Variants in SPEF2 observed in about 807,000 individuals in gnomAD.
The protein encoded by SPEF2 is sperm flagellar and cilia associated 2.
A neutral mutation model predicts 224.6 loss-of-function variants in SPEF2; 187 were observed. The observed-to-expected ratio is 0.83, with a 90% CI of 0.74 to 0.94. SPEF2 has a LOEUF of 0.94. SPEF2 is among the 40% of genes least tolerant of loss of function. The pLI, the probability that SPEF2 is intolerant of heterozygous loss-of-function variation, is 0.00. For missense variants in SPEF2, 2,170 were observed against 2,135.6 expected, an observed-to-expected ratio of 1.02 and a Z score of -0.32; for synonymous variants, 715 against 707.3, an observed-to-expected ratio of 1.01 and a Z score of -0.17.
chr5:35,627,483 C>A (rs1401915284), intron 1 of SPEF2, among the ~76,000 whole-genome samples: 3 of 151,998 alleles, frequency 2.0e-5, no homozygotes, highest in Non-Finnish European at 4.4e-5. Context: ...CACCTGTAAT[C>A]CCAGCTACTC....
chr5:35,628,362 A>G (rs1372361922), intron 1 of SPEF2, 98 bp from the exon 2 acceptor site: 3 of 644,986 alleles, frequency 4.7e-6, no homozygotes, highest in Non-Finnish European at 7.8e-6. Flanking sequence ...AGTTCCAGTT[A>G]AATTGTGTAG....
chr5:35,812,008 TCGATCC>T (rs1758572066), intron 36 of SPEF2, among the ~76,000 whole-genome samples: 1 of 152,020 alleles, frequency 6.6e-6, no homozygotes, highest in African/African-American at 2.4e-5. Flanking sequence ...CAGGATGGTC[TCGATCC>T]CCTGATCTCG....
chr5:35,666,321 G>A (rs1319108933), intron 8 of SPEF2, among the ~76,000 whole-genome samples: 1 of 152,160 alleles, frequency 6.6e-6, no homozygotes, highest in Non-Finnish European at 1.5e-5. Context: ...CACTTATTAA[G>A]TATTATGTTA....
At chr5:35,790,462 G>A in intron 30 of SPEF2, 1 of 423,834 alleles carries the variant, frequency 2.4e-6, no homozygotes, top group East Asian at 3.5e-5. Flanking sequence ...CCAGAAGCCT[G>A]GAATTTAAAA....
chr5:35,779,225 A>C lies in SPEF2; in HGVS notation c.4326A>C (p.Lys1442Asn). 1.2e-6 allele frequency: 2 copies of C among 1,613,968 alleles called. No individual in the cohort carries two copies. The highest frequency in any genetic ancestry group is 1.7e-6 in the Non-Finnish European group (2 of 1,179,884). Reference sequence around the variant, plus strand: ...ACTTCTTCATTAATGGCAATATAAAAGTCTTCCCAGATCCTCCCCCATCAA... The same window carrying C: ...ACTTCTTCATTAATGGCAATATAAACGTCTTCCCAGATCCTCCCCCATCAA... ...QEDFFINGNI[K>N]VFPDPPPSIR... Residue 1442 changes from lysine (K) to asparagine (N), a missense_variant, in exon 30 of 37, where the codon AAA (lysine) becomes AAC (asparagine). By Grantham distance (94) the Lys-to-Asn change is moderately conservative. Transcript: ENST00000356031.
At chr5:35,650,912 A>C (rs1164969442) in intron 6 of SPEF2, among the ~76,000 whole-genome samples, 1 of 150,448 alleles carries the variant, frequency 6.6e-6, no homozygotes, top group African/African-American at 2.4e-5. Flanking sequence ...GAAGGTAAGC[A>C]GCCCATAGTG....
In SPEF2 at chr5:35,736,710, T is replaced by C. The variant is rs554109133; in HGVS notation, c.3064-3209T>C. Reference sequence around the variant, plus strand: ...ACCATATCATGGATGCCTAATGATTTCCCATCAAGAGTTTTACAAAATTGG... The same window carrying C: ...ACCATATCATGGATGCCTAATGATTCCCCATCAAGAGTTTTACAAAATTGG... On this transcript the variant is annotated intron_variant, in intron 21 of 36. Coordinates refer to ENST00000356031, the MANE Select transcript of SPEF2 (RefSeq NM_024867.4). Among the ~76,000 whole-genome samples the C allele has an allele frequency of 4.8e-4, 73 of 152,308 alleles. 1 individual carries two copies. The South Asian group carries it at 7.9e-3, about 16-fold the overall frequency.
intron 4 of SPEF2, among the ~76,000 whole-genome samples, chr5:35,645,071 T>C (rs928141963): frequency 3.3e-5 from 5 of 152,218 alleles, no homozygotes; most frequent in Non-Finnish European, 7.3e-5. Context: ...CCTTCTCAGA[T>C]TTCTTTAAAA....
At chr5:35,699,555 T>C (rs1244835794) in intron 15 of SPEF2, 3 of 152,054 alleles carry the variant, frequency 2.0e-5, no homozygotes, top group Admixed American at 2.0e-4. Flanking sequence ...GTCAGAGAAA[T>C]TCAGATCAGG....
Position 35,694,354 on chromosome 5 carries a change from A to G in SPEF2, c.1966A>G (p.Thr656Ala), listed in dbSNP as rs761165101. 14 of 1,612,324 alleles carry G rather than the reference A, an allele frequency of 8.7e-6. No homozygotes were observed. The highest frequency in any genetic ancestry group is 1.2e-5 in the Non-Finnish European group (14 of 1,179,008). Reference sequence around the variant, plus strand: ...AGTATTACCAGAAACAGAAGGTGAAACAATGCTTAGTAAGATCTCAAAACA... The same window carrying G: ...AGTATTACCAGAAACAGAAGGTGAAGCAATGCTTAGTAAGATCTCAAAACA... ...DEVLPETEGETMLSANADKTP... is the reference protein window; with the variant it reads ...DEVLPETEGEAMLSANADKTP... The change falls in exon 13 of 37, where the codon ACA becomes GCA. Residue 656 changes from threonine (T) to alanine (A), a missense_variant. Coordinates refer to ENST00000356031, the MANE Select transcript of SPEF2 (RefSeq NM_024867.4).
At chr5:35,622,124 C>T (rs139938652) in intron 1 of SPEF2, among the ~76,000 whole-genome samples, 1 of 152,188 alleles carries the variant, frequency 6.6e-6, no homozygotes, top group East Asian at 1.9e-4. Context: ...TTTTAAGAGA[C>T]AGTCTATGCT....
intron 8 of SPEF2, among the ~76,000 whole-genome samples, chr5:35,665,433 G>T (rs1360683913): frequency 6.6e-6 from 1 of 151,762 alleles, no homozygotes; most frequent in African/African-American, 2.4e-5. Flanking sequence ...GGGAGGGAGA[G>T]GAACAGAGGG....
Position 35,800,025 on chromosome 5 carries a change from C to A in SPEF2, c.4888C>A (p.Gln1630Lys). ...EKDPPQLDYT[Q>K]MLLYFACHPD... ...GGATCCACCCCAGCTTGACTACACA[C>A]AGATGCTGCTTTACTTTGCTTGCCA... Residue 1630 changes from glutamine (Q) to lysine (K), a missense_variant, in exon 34 of 37, where the codon CAG (glutamine) becomes AAG (lysine). Physicochemically the swap from Gln to Lys is moderately conservative, Grantham distance 53 (BLOSUM62 1). Coordinates refer to ENST00000356031, the MANE Select transcript of SPEF2 (RefSeq NM_024867.4). The A allele has an allele frequency of 6.2e-7, 1 of 1,614,132 alleles. No homozygotes were observed.
At chr5:35,734,162 T>C (rs925432483) in intron 21 of SPEF2, among the ~76,000 whole-genome samples, 2 of 152,034 alleles carry the variant, frequency 1.3e-5, no homozygotes, top group Admixed American at 1.3e-4. Flanking sequence ...GAGGAAGGGA[T>C]AGAATCTGGG....
intron 20 of SPEF2, among the ~76,000 whole-genome samples, chr5:35,715,775 T>C (rs953545478): frequency 2.0e-5 from 3 of 151,804 alleles, no homozygotes; most frequent in Non-Finnish European, 4.4e-5. Flanking sequence ...TGTTCTTTTT[T>C]CTATTTTACT....
At chr5:35,720,902 C>T (rs1353911217) in intron 20 of SPEF2, among the ~76,000 whole-genome samples, 1 of 152,100 alleles carries the variant, frequency 6.6e-6, no homozygotes, top group African/African-American at 2.4e-5. Flanking sequence ...TTTTGGGAAG[C>T]CTTTTAAATA....
chr5:35,789,254 T>C (rs1755615745), intron 30 of SPEF2: 1 of 703,044 alleles, frequency 1.4e-6, no homozygotes, highest in Non-Finnish European at 2.6e-6. Flanking sequence ...CCACTTCTTG[T>C]TGGATGTCAT....
At position 35,695,659 on chromosome 5, in the gene SPEF2, A is replaced by G. The variant is rs114426181; in HGVS notation, c.1976-76A>G. The G allele has an allele frequency of 7.3e-6, 9 of 1,224,514 alleles. No homozygotes were observed. The East Asian group carries it at 7.5e-5, about 10-fold the overall frequency. The allele number at this position is 1,224,514 out of a possible 1,614,324, so 75.9% of individuals were successfully genotyped here. A position where few individuals can be genotyped will look rare whatever the true frequency, so the allele number is the denominator to read the frequency against. The stretch of plus-strand genomic sequence containing the variant: ...TCTGATAACCCTTATGTCCAAAACC[A>G]TAGATGGTCAAATACTGCTTTGGTT... On this transcript the variant is annotated intron_variant, in intron 13 of 36. Coordinates refer to ENST00000356031, the MANE Select transcript of SPEF2 (RefSeq NM_024867.4).
chr5:35,677,896 G>T (rs1476338493), intron 10 of SPEF2, among the ~76,000 whole-genome samples: 1 of 152,152 alleles, frequency 6.6e-6, no homozygotes, highest in African/African-American at 2.4e-5. Context: ...TTAGTAATTT[G>T]TAGCTCAGCG....
Sources: gnomAD v4.1 joint callset for allele counts (sites outside exome capture counted in the v4.1 genomes callset) on GRCh38, gnomAD v4.1.1 for gene constraint, MANE v1.5 for transcripts, NCBI Gene and HGNC (gene_info 2026-07-23, HGNC 2026-07-21) for gene names.